The following ANKS1B variants were observed in gnomAD, a reference collection of about 807,000 sequenced individuals.
The protein encoded by ANKS1B is ankyrin repeat and sterile alpha motif domain-containing protein 1B.
A neutral mutation model predicts 148.3 loss-of-function variants in ANKS1B; 36 were observed. The observed-to-expected ratio is 0.24, with a 90% CI of 0.19 to 0.32. The LOEUF is 0.32. Among genes scored for constraint, ANKS1B ranks in the 10% least tolerant of loss-of-function variants. The pLI, the probability that ANKS1B is intolerant of heterozygous loss-of-function variation, is 1.00. For missense variants in ANKS1B, 1,157 were observed against 1,542.6 expected (o/e 0.75, Z 4.19); for synonymous variants, 542 against 560.8 (o/e 0.97, Z 0.47).
chr12:98,924,037 T>C (rs1349046492), intron 17 of ANKS1B, among the ~76,000 whole-genome samples: 1 of 152,208 alleles, frequency 6.6e-6, no homozygotes, highest in Non-Finnish European at 1.5e-5. Flanking sequence ...GGGTTGGGCA[T>C]GTGGGCGCCA....
At chr12:99,125,351 T>G (rs2064022558) in intron 15 of ANKS1B, among the ~76,000 whole-genome samples, 1 of 152,188 alleles carries the variant, frequency 6.6e-6, no homozygotes, top group Admixed American at 6.5e-5. Flanking sequence ...GTCATTTCTT[T>G]GGGAGGGAGA....
rs151288042 is a variant in ANKS1B at position 99,302,082 on chromosome 12, A to G, written c.1757-55218T>C. Reference sequence around the variant, plus strand: ...AGTTCTTAACTTGGCCTGTCTCTCTATTAAGAAGAGGGTCACAAAGTGTTC... The same window carrying G: ...AGTTCTTAACTTGGCCTGTCTCTCTGTTAAGAAGAGGGTCACAAAGTGTTC... On this transcript the variant is annotated intron_variant, in intron 12 of 26. Transcript: ENST00000683438. Among the ~76,000 whole-genome samples the G allele has an allele frequency of 3.0e-4, 46 of 152,298 alleles. No homozygotes were observed. In the East Asian group the frequency reaches 7.9e-3, roughly 26 times the overall value.
chr12:99,327,576 AT>A (rs1336484443), intron 12 of ANKS1B, among the ~76,000 whole-genome samples: 1 of 147,486 alleles, frequency 6.8e-6, no homozygotes, highest in Non-Finnish European at 1.5e-5. Flanking sequence ...CTCAGGACAT[AT>A]CCCCATTATT....
intron 17 of ANKS1B, among the ~76,000 whole-genome samples, chr12:99,029,992 T>C (rs935154110): frequency 6.6e-6 from 1 of 152,250 alleles, no homozygotes; most frequent in Non-Finnish European, 1.5e-5. Flanking sequence ...TTCAGGAAAG[T>C]AGAGGGAATT....
chr12:99,374,512 G>A lies in ANKS1B; in HGVS notation c.1756+25119C>T, dbSNP rs183503342. Among the ~76,000 whole-genome samples, 479 of 152,288 alleles carry A rather than the reference G, an allele frequency of 3.1e-3. 3 individuals are homozygous for A. The highest frequency in any genetic ancestry group is 0.011 in the African/African-American group (463 of 41,558). Reference sequence around the variant, plus strand: ...TCTTGTACCCTGAGCTGCAAAGATAGGCTCCGAAATAATAGAGTAAATAAT... The same window carrying A: ...TCTTGTACCCTGAGCTGCAAAGATAAGCTCCGAAATAATAGAGTAAATAAT... On this transcript the variant is annotated intron_variant, in intron 12 of 26. Transcript: ENST00000683438.
intron 10 of ANKS1B, among the ~76,000 whole-genome samples, chr12:99,449,631 T>A (rs2095693224): frequency 6.6e-6 from 1 of 152,160 alleles, no homozygotes; most frequent in African/African-American, 2.4e-5. Context: ...TGAGTTTCCT[T>A]TTCCATTATC....
intron 15 of ANKS1B, among the ~76,000 whole-genome samples, chr12:99,120,048 G>A (rs527464090): frequency 2.0e-5 from 3 of 152,192 alleles, no homozygotes; most frequent in Non-Finnish European, 2.9e-5. Context: ...GTTCAAGGTC[G>A]CCTGTCCCGG....
intron 9 of ANKS1B, among the ~76,000 whole-genome samples, chr12:99,546,738 T>C (rs952360182): frequency 6.6e-6 from 1 of 152,158 alleles, no homozygotes; most frequent in East Asian, 1.9e-4. Context: ...AGAAATCAGA[T>C]GGAGTCTGGT....
At position 99,526,574 on chromosome 12, in the gene ANKS1B, G is replaced by T. The variant is rs2096928852; in HGVS notation, c.1273-21933C>A. Among the ~76,000 whole-genome samples the T allele has an allele frequency of 2.0e-5, 3 of 152,320 alleles. No homozygotes were observed. The South Asian group carries it at 6.2e-4, about 32-fold the overall frequency. ...CTCACCAATATCAATCGTCTGAGCT[G>T]TGAATGGGTGTCGGGATAGCATCCC... On this transcript the variant is annotated intron_variant, in intron 9 of 26. Coordinates refer to ENST00000683438, the MANE Select transcript of ANKS1B (RefSeq NM_001352186.2).
rs1212258550 is a variant in ANKS1B at position 99,616,726 on chromosome 12, C to T, written c.1272+38341G>A. Among the ~76,000 whole-genome samples, 4 of 152,102 alleles carry T rather than the reference C, an allele frequency of 2.6e-5. No homozygotes were observed. The East Asian group carries it at 7.7e-4, about 29-fold the overall frequency. ...TAGTCAATACCATTCAGGACATAGA[C>T]ATGGGCAAAGACTTCATGACTAAAA... On this transcript the variant is annotated intron_variant, in intron 9 of 26. Transcript: ENST00000683438.
At chr12:99,045,302 A>C (rs1055784345) in intron 17 of ANKS1B, among the ~76,000 whole-genome samples, 2 of 152,158 alleles carry the variant, frequency 1.3e-5, no homozygotes, top group South Asian at 4.1e-4. Context: ...GCCCCACCTA[A>C]TACATTCATG....
chr12:99,272,343 A>G (rs1299558515), intron 12 of ANKS1B, among the ~76,000 whole-genome samples: 1 of 152,186 alleles, frequency 6.6e-6, no homozygotes, highest in Non-Finnish European at 1.5e-5. Context: ...TGCTTGAGAA[A>G]TAACATTAAA....
chr12:99,121,321 ATGTGTGTGTGTGTGTGTGTG>A (rs57560069), intron 15 of ANKS1B, among the ~76,000 whole-genome samples: 1 of 142,858 alleles, frequency 7.0e-6, no homozygotes, highest in East Asian at 2.0e-4. Context: ...GTATGTAGGT[ATGTGTGTGTGTGTGTGTGTG>A]TGTGTGTGTG....
In ANKS1B at chr12:98,919,847, A is replaced by G. The variant is rs1157268624; in HGVS notation, c.2779-87711T>C. ...TGCAATTGTTAGGGGCTGCAATGCAACAGCCAGTTCCAGAGACTAGCAAAA... is the reference window on the plus strand; with the variant it reads ...TGCAATTGTTAGGGGCTGCAATGCAGCAGCCAGTTCCAGAGACTAGCAAAA... On this transcript the variant is annotated intron_variant, in intron 17 of 26. Transcript: ENST00000683438. 8.5e-5 allele frequency among the ~76,000 whole-genome samples: 13 copies of G among 152,316 alleles called. No homozygotes were observed. The South Asian group carries it at 2.7e-3, about 32-fold the overall frequency.
chr12:99,140,082 C>G (rs551867061), intron 15 of ANKS1B, among the ~76,000 whole-genome samples: 62 of 152,304 alleles, frequency 4.1e-4, no homozygotes, highest in Non-Finnish European at 8.8e-4. Context: ...TCATAAAAAT[C>G]ATCACAATGT....
chr12:99,099,481 C>T (rs763058405), intron 15 of ANKS1B, among the ~76,000 whole-genome samples: 2 of 152,172 alleles, frequency 1.3e-5, no homozygotes, highest in Non-Finnish European at 2.9e-5. Flanking sequence ...ATAGGAGGCA[C>T]GGTCCAGGGT....
intron 2 of ANKS1B, among the ~76,000 whole-genome samples, chr12:99,819,545 T>C (rs926458374): frequency 3.3e-5 from 5 of 151,702 alleles, no homozygotes; most frequent in African/African-American, 1.2e-4. Context: ...CTTTAAAAGG[T>C]AGAAGAATAG....
chr12:99,768,828 A>C (rs2062916276), intron 8 of ANKS1B, among the ~76,000 whole-genome samples: 1 of 147,756 alleles, frequency 6.8e-6, no homozygotes, highest in Non-Finnish European at 1.5e-5. Flanking sequence ...CGTCTCAGAA[A>C]AAAAAAAAAA....
chr12:99,012,101 G>A (rs1211317199), intron 17 of ANKS1B, among the ~76,000 whole-genome samples: 1 of 152,140 alleles, frequency 6.6e-6, no homozygotes, highest in Non-Finnish European at 1.5e-5. Flanking sequence ...GCAATTTTCT[G>A]TGTTTCCCTA....
Sources: gnomAD v4.1 joint callset for allele counts (sites outside exome capture counted in the v4.1 genomes callset) on GRCh38, gnomAD v4.1.1 for gene constraint, MANE v1.5 for transcripts, NCBI Gene and HGNC (gene_info 2026-07-23, HGNC 2026-07-21) for gene names.